CREB1: variants seen among roughly 807,000 people sequenced by gnomAD.
CREB1 encodes the protein cyclic AMP-responsive element-binding protein 1.
In CREB1, 2 loss-of-function variants were observed where a neutral mutation model predicts 42.0. The ratio of observed to expected loss-of-function variants is 0.05; its 90% CI spans 0.02 to 0.15. The LOEUF is 0.15. Among genes scored for constraint, CREB1 ranks in the 10% least tolerant of loss-of-function variants. CREB1 has a pLI of 1.00. For missense variants in CREB1, 199 were observed against 388.9 expected (o/e 0.51, Z 4.11); for synonymous variants, 123 against 139.9 (o/e 0.88, Z 0.85).
Position 207,605,131 on chromosome 2 carries a change from T to C in CREB1, c.*8073T>C, listed in dbSNP as rs1048898888. On this transcript the variant is annotated 3_prime_UTR_variant, in exon 8 of 8. Transcript: ENST00000353267. ...CATGTTGAAATCGCACATTTAACTT[T>C]TTGAGGAACTGTCAAACTTTCCCTC... 2.0e-5 allele frequency among the ~76,000 whole-genome samples: 3 copies of C among 152,192 alleles called. No individual in the cohort carries two copies. The highest frequency in any genetic ancestry group is 4.4e-5 in the Non-Finnish European group (3 of 68,040).
chr2:207,553,897 T>C (rs1279280731), intron 1 of CREB1, among the ~76,000 whole-genome samples: 2 of 152,216 alleles, frequency 1.3e-5, no homozygotes, highest in African/African-American at 4.8e-5. Context: ...GCATAAACCT[T>C]TACAACAATT....
At chr2:207,586,357 G>A (rs1429081064) in intron 7 of CREB1, among the ~76,000 whole-genome samples, 1 of 152,106 alleles carries the variant, frequency 6.6e-6, no homozygotes, top group African/African-American at 2.4e-5. Context: ...TGGGAAACCT[G>A]GATATCTGTG....
At chr2:207,543,407 A>C (rs1049238926) in intron 1 of CREB1, among the ~76,000 whole-genome samples, 1 of 152,182 alleles carries the variant, frequency 6.6e-6, no homozygotes, top group Non-Finnish European at 1.5e-5. Flanking sequence ...ATTCACAGTT[A>C]CAAACATTTA....
chr2:207,534,325 T>C (rs1341684944), intron 1 of CREB1, among the ~76,000 whole-genome samples: 1 of 152,162 alleles, frequency 6.6e-6, no homozygotes, highest in Non-Finnish European at 1.5e-5. Context: ...CAACCTCTGC[T>C]TCCTGGATTC....
At chr2:207,566,090 T>G (rs1315251302) in intron 3 of CREB1, among the ~76,000 whole-genome samples, 1 of 152,192 alleles carries the variant, frequency 6.6e-6, no homozygotes, top group East Asian at 1.9e-4. Context: ...GTCTTTCAGA[T>G]TGTACTTAGA....
At chr2:207,537,047 A>G (rs958797033) in intron 1 of CREB1, among the ~76,000 whole-genome samples, 3 of 63,690 alleles carry the variant, frequency 4.7e-5, no homozygotes, top group Admixed American at 4.2e-4. Flanking sequence ...AATGTTTACA[A>G]AGTGCTTTGT....
chr2:207,602,099 T>C lies in CREB1; in HGVS notation c.*5041T>C, dbSNP rs780691601. The C allele has an allele frequency of 2.4e-5, 5 of 205,204 alleles. No individual in the cohort carries two copies. Among genetic ancestry groups the C allele is most frequent in the South Asian group, 1.9e-4 (1 of 5,240 alleles). The allele number at this position is 205,204 out of a possible 1,614,324, so 12.7% of individuals were successfully genotyped here. ...CTCATCTGCTTATGATAAGTTCTTATTGATTAGTGAATGTAGCTTAAGCCT... is the reference window on the plus strand; with the variant it reads ...CTCATCTGCTTATGATAAGTTCTTACTGATTAGTGAATGTAGCTTAAGCCT... On this transcript the variant is annotated 3_prime_UTR_variant, in exon 8 of 8. Coordinates refer to ENST00000353267, the MANE Select transcript of CREB1 (RefSeq NM_004379.5).
rs754299852 is a variant in CREB1 at position 207,581,969 on chromosome 2, G to C, written c.839+4314G>C. 4.4e-5 allele frequency: 31 copies of C among 701,894 alleles called. 1 individual carries two copies. In the South Asian group the frequency reaches 4.5e-4, roughly 10 times the overall value. 43.5% of individuals were successfully genotyped at this position (701,894 alleles called of 1,614,324 possible). ...TTTCTATGGATAGATTGAGATAATA[G>C]GTTTTGGGGAGGAATTCCACAGAGG... is the stretch of plus-strand genomic sequence containing the variant. On this transcript the variant is annotated intron_variant, in intron 7 of 7. Transcript: ENST00000353267.
In CREB1 at chr2:207,577,368, A is replaced by G; in HGVS notation, c.689-137A>G. 3 of 1,224,124 alleles carry G rather than the reference A, an allele frequency of 2.5e-6. No homozygotes were observed. In the South Asian group the frequency reaches 4.7e-5, roughly 19 times the overall value. The allele number at this position is 1,224,124 out of a possible 1,614,324, so 75.8% of individuals were successfully genotyped here. ...TGGCGCGAAGAGTGCTGATTCTTTC[A>G]ACGCTTTAGCCAGAATCATCTTTTC... On this transcript the variant is annotated intron_variant, in intron 6 of 7. Transcript: ENST00000353267.
rs979757689 is a variant in CREB1, at chr2:207,603,077, T to A, written c.*6019T>A. ...TTGATTTTTAACTCTGATGTTTCTATTGGAGTTGAATACTAAATAAATAAC... is the reference window on the plus strand; with the variant it reads ...TTGATTTTTAACTCTGATGTTTCTAATGGAGTTGAATACTAAATAAATAAC... On this transcript the variant is annotated 3_prime_UTR_variant, in exon 8 of 8. Coordinates refer to ENST00000353267, the MANE Select transcript of CREB1 (RefSeq NM_004379.5). The A allele has an allele frequency of 4.7e-6, 1 of 211,144 alleles. No homozygotes were observed. The highest frequency in any genetic ancestry group is 7.2e-5 in the East Asian group (1 of 13,948). The allele number at this position is 211,144 out of a possible 1,614,324, so 13.1% of individuals were successfully genotyped here.
Position 207,604,293 on chromosome 2 carries a change from A to G in CREB1, c.*7235A>G, listed in dbSNP as rs2087667451. 1.3e-5 allele frequency among the ~76,000 whole-genome samples: 2 copies of G among 151,872 alleles called. No homozygotes were observed. The highest frequency in any genetic ancestry group is 6.6e-5 in the Admixed American group (1 of 15,252). ...TGTTTCGCCACTGAAGACTTAACAT[A>G]TGTCTTTTACACTCAGGTTGCAAAA... On this transcript the variant is annotated 3_prime_UTR_variant, in exon 8 of 8. Transcript: ENST00000353267.
intron 7 of CREB1, among the ~76,000 whole-genome samples, chr2:207,585,643 G>T (rs144847076): frequency 1.9e-4 from 29 of 152,214 alleles, no homozygotes; most frequent in African/African-American, 6.5e-4. Context: ...AGAAAACTCA[G>T]CAAGAAACAA....
chr2:207,565,406 A>G (rs1310823547), intron 3 of CREB1, among the ~76,000 whole-genome samples: 1 of 151,996 alleles, frequency 6.6e-6, no homozygotes, highest in African/African-American at 2.4e-5. Context: ...CTTTACATTT[A>G]CAAAGTTGCA....
At chr2:207,530,621 C>A (rs948668509) in intron 1 of CREB1, among the ~76,000 whole-genome samples, 4 of 149,192 alleles carry the variant, frequency 2.7e-5, no homozygotes, top group African/African-American at 7.3e-5. Flanking sequence ...CCGACCCGGC[C>A]GGGCCTCCGG....
chr2:207,592,944 C>G (rs985002738), intron 7 of CREB1, among the ~76,000 whole-genome samples: 3 of 61,762 alleles, frequency 4.9e-5, no homozygotes, highest in African/African-American at 1.2e-4. Context: ...GATATACTTT[C>G]TTCAAATATT....
intron 1 of CREB1, among the ~76,000 whole-genome samples, chr2:207,544,133 T>G (rs2081209269): frequency 6.6e-6 from 1 of 152,040 alleles, no homozygotes; most frequent in Admixed American, 6.6e-5. Context: ...GGTCTCGATC[T>G]TCTGACCTCA....
chr2:207,580,165 T>C (rs1454777174), intron 7 of CREB1, among the ~76,000 whole-genome samples: 1 of 152,146 alleles, frequency 6.6e-6, no homozygotes, highest in Non-Finnish European at 1.5e-5. Flanking sequence ...ATCAGAAAAT[T>C]CAAATATTTT....
At chr2:207,535,303 C>G (rs1313048462) in intron 1 of CREB1, among the ~76,000 whole-genome samples, 2 of 152,140 alleles carry the variant, frequency 1.3e-5, no homozygotes, top group African/African-American at 4.8e-5. Flanking sequence ...GAATTTAACT[C>G]TTTTGTTGAG....
At chr2:207,576,773 A>T (rs2082614656) in intron 6 of CREB1, 11 of 1,045,590 alleles carry the variant, frequency 1.1e-5, no homozygotes, top group Non-Finnish European at 1.3e-5. Flanking sequence ...GAATAATTTT[A>T]TAAAGACCTT....
Sources: gnomAD v4.1 joint callset for allele counts (sites outside exome capture counted in the v4.1 genomes callset) on GRCh38, gnomAD v4.1.1 for gene constraint, MANE v1.5 for transcripts, NCBI Gene and HGNC (gene_info 2026-07-23, HGNC 2026-07-21) for gene names.